PPP1R12A: variants seen among roughly 807,000 people sequenced by gnomAD.
PPP1R12A encodes protein phosphatase 1 regulatory subunit 12A.
Under a neutral mutation model 139.6 loss-of-function variants are expected in PPP1R12A, and 19 were observed. That is an observed-to-expected ratio of 0.14 (90% CI 0.09 to 0.20). The LOEUF is 0.20. Among genes scored for constraint, PPP1R12A ranks in the 10% least tolerant of loss-of-function variants. The pLI is 1.00. For missense variants in PPP1R12A, 925 were observed against 1,211.5 expected (o/e 0.76, Z 3.51); for synonymous variants, 427 against 420.6 (o/e 1.02, Z -0.19).
rs1869598176 is a variant in PPP1R12A, at chr12:79,775,175, A to C, written c.*754T>G. On this transcript the variant is annotated 3_prime_UTR_variant, in exon 25 of 25. Transcript: ENST00000450142. ...ATCTAACATCTTATACTACAATAAA[A>C]AAAAAGTGACCAATGAAGCAGAAAA... is the stretch of plus-strand genomic sequence containing the variant. 2.0e-5 allele frequency: 3 copies of C among 152,536 alleles called. No individual in the cohort carries two copies. The highest frequency in any genetic ancestry group is 2.0e-4 in the Admixed American group (3 of 15,260). 9.4% of individuals were successfully genotyped at this position (152,536 alleles called of 1,614,324 possible). A position where few individuals can be genotyped will look rare whatever the true frequency, so the allele number is the denominator to read the frequency against.
chr12:79,802,525 T>G (rs1873312564), intron 14 of PPP1R12A, among the ~76,000 whole-genome samples: 1 of 152,194 alleles, frequency 6.6e-6, no homozygotes. Context: ...TGCTCATGCC[T>G]GTATTCCAGC....
chr12:79,831,645 G>C (rs1877445254), intron 4 of PPP1R12A, among the ~76,000 whole-genome samples: 1 of 152,172 alleles, frequency 6.6e-6, no homozygotes, highest in South Asian at 2.1e-4. Context: ...AGGTGCAGTA[G>C]ATTTTGCTAA....
chr12:79,893,227 T>G (rs1207388214), intron 1 of PPP1R12A, among the ~76,000 whole-genome samples: 1 of 152,176 alleles, frequency 6.6e-6, no homozygotes, highest in Non-Finnish European at 1.5e-5. Flanking sequence ...TCTCCTCAAT[T>G]TAGTCTTTTA....
chr12:79,926,763 C>A lies in PPP1R12A; in HGVS notation c.237+7932G>T, dbSNP rs193014587. ...TTTAAAGAAAAAAAGAATCAAAGTC[C>A]CTACCTTAAGGGTATATAAGGGACT... On this transcript the variant is annotated intron_variant, in intron 1 of 24. Transcript: ENST00000450142. Among the ~76,000 whole-genome samples the A allele has an allele frequency of 2.4e-3, 358 of 152,076 alleles. 1 individual carries two copies. The highest frequency in any genetic ancestry group is 4.1e-3 in the Non-Finnish European group (277 of 67,996).
At chr12:79,832,573 A>G (rs1440898507) in intron 3 of PPP1R12A, 82 bp from the exon 4 acceptor site, 2 of 1,336,826 alleles carry the variant, frequency 1.5e-6, no homozygotes, top group East Asian at 5.0e-5. Flanking sequence ...AAACATGTCA[A>G]GTTTAAATAA....
At chr12:79,833,752 A>G (rs1877727965) in intron 3 of PPP1R12A, among the ~76,000 whole-genome samples, 2 of 150,986 alleles carry the variant, frequency 1.3e-5, no homozygotes, top group Admixed American at 1.3e-4. Context: ...CAGGAGAACT[A>G]CTTAAGTCCA....
intron 3 of PPP1R12A, among the ~76,000 whole-genome samples, chr12:79,843,379 C>T (rs1878981209): frequency 6.6e-6 from 1 of 151,840 alleles, no homozygotes; most frequent in African/African-American, 2.4e-5. Context: ...AGGTGGAGAC[C>T]AGCCTGGCCA....
At chr12:79,901,359 G>T (rs866647354) in intron 1 of PPP1R12A, among the ~76,000 whole-genome samples, 1 of 152,084 alleles carries the variant, frequency 6.6e-6, no homozygotes, top group Admixed American at 6.5e-5. Flanking sequence ...CACCTGAAGG[G>T]CATCTGAGTT....
chr12:79,807,256 G>T lies in PPP1R12A; in HGVS notation c.1625C>A (p.Ser542Ter). The change falls in exon 12 of 25, where the codon TCA (serine) becomes TAA (stop). Residue 542 changes from serine to a stop codon, truncating the protein, a stop_gained. Coordinates refer to ENST00000450142, the MANE Select transcript of PPP1R12A (RefSeq NM_002480.3). LOFTEE classifies it high-confidence loss of function. ...ATGATACGTTGATCCTTCATTAACT[G>T]AGCTATTTTTTTTAAGATCATCTTC... Reference protein sequence around the residue: ...KWEDDLKKNSSVNEGSTYHKS... With the variant: ...KWEDDLKKNS The T allele has an allele frequency of 6.5e-7, 1 of 1,548,566 alleles. No homozygotes were observed. Among genetic ancestry groups the T allele is most frequent in the Admixed American group, 2.0e-5 (1 of 51,234 alleles).
chr12:79,814,708 G>A (rs1462535845), intron 9 of PPP1R12A, among the ~76,000 whole-genome samples: 1 of 149,246 alleles, frequency 6.7e-6, no homozygotes, highest in African/African-American at 2.5e-5. Flanking sequence ...TCAGCTACTC[G>A]GGAGGCTGAG....
intron 21 of PPP1R12A, 187 bp downstream of exon 21, chr12:79,788,461 G>T: frequency 1.9e-6 from 1 of 534,386 alleles, no homozygotes; most frequent in Non-Finnish European, 3.2e-6. Context: ...AATCATCTTG[G>T]ATGACTTTCT....
intron 14 of PPP1R12A, among the ~76,000 whole-genome samples, chr12:79,801,935 A>G (rs1873231521): frequency 6.6e-6 from 1 of 152,214 alleles, no homozygotes; most frequent in African/African-American, 2.4e-5. Context: ...TGAAAATTCC[A>G]TCACTATTAT....
At chr12:79,918,317 G>C (rs1288341582) in intron 1 of PPP1R12A, among the ~76,000 whole-genome samples, 1 of 152,254 alleles carries the variant, frequency 6.6e-6, no homozygotes, top group Middle Eastern at 3.4e-3. Context: ...TGATCTCCAT[G>C]TATTAGTTAT....
intron 1 of PPP1R12A, among the ~76,000 whole-genome samples, chr12:79,914,733 G>T (rs566792144): frequency 1.3e-5 from 2 of 152,002 alleles, no homozygotes; most frequent in African/African-American, 4.8e-5. Flanking sequence ...CCCTTTCCTG[G>T]AAATCTGGAA....
chr12:79,855,257 G>A (rs2137255741), intron 2 of PPP1R12A, among the ~76,000 whole-genome samples: 1 of 152,066 alleles, frequency 6.6e-6, no homozygotes, highest in East Asian at 1.9e-4. Context: ...CAAAGTGCTG[G>A]GATTACATGT....
At chr12:79,895,725 C>T (rs1465436757) in intron 1 of PPP1R12A, among the ~76,000 whole-genome samples, 1 of 152,154 alleles carries the variant, frequency 6.6e-6, no homozygotes, top group Non-Finnish European at 1.5e-5. Flanking sequence ...GACATCAATG[C>T]CCTTCACCAG....
At chr12:79,800,962 T>C (rs1412303127) in intron 14 of PPP1R12A, among the ~76,000 whole-genome samples, 5 of 151,886 alleles carry the variant, frequency 3.3e-5, no homozygotes, top group South Asian at 4.2e-4. Flanking sequence ...CTTGATCTTC[T>C]GACCTCGTGA....
chr12:79,798,436 T>C (rs1469635663), intron 15 of PPP1R12A, 58 bp downstream of exon 15: 19 of 1,119,698 alleles, frequency 1.7e-5, no homozygotes, highest in Non-Finnish European at 2.3e-5. Context: ...TCAGTGTGTG[T>C]ATATATATTT....
At chr12:79,890,905 C>CCACACA (rs1303227049) in intron 1 of PPP1R12A, among the ~76,000 whole-genome samples, 40,309 of 114,322 alleles carry the variant, frequency 0.35, 8,746 homozygotes, top group Non-Finnish European at 0.48. Flanking sequence ...CCACACCCAC[C>CCACACA]CACACACACA....
Sources: allele counts gnomAD v4.1 joint callset (sites outside exome capture counted in the v4.1 genomes callset), GRCh38; gene constraint gnomAD v4.1.1; transcripts MANE v1.5; gene names NCBI Gene and HGNC (gene_info 2026-07-23, HGNC 2026-07-21).